FECH: variants seen among roughly 807,000 people sequenced by gnomAD.
FECH encodes ferrochelatase, mitochondrial.
FECH carries 40 observed loss-of-function variants against 56.9 expected under a neutral mutation model. That is an observed-to-expected ratio of 0.70 (90% CI 0.55 to 0.92). FECH has a LOEUF of 0.92. Among genes scored for constraint, FECH ranks in the 40% least tolerant of loss-of-function variants. The pLI is 0.00. For missense variants in FECH, 431 were observed against 529.1 expected (o/e 0.81, Z 1.82); for synonymous variants, 175 against 198.6 (o/e 0.88, Z 1.00).
chr18:57,556,902 C>A (rs1233211715), intron 7 of FECH, among the ~76,000 whole-genome samples: 1 of 110,458 alleles, frequency 9.1e-6, no homozygotes, highest in East Asian at 2.6e-4. Context: ...CAGAGTGAGA[C>A]CCTGTCTCAA....
At chr18:57,578,571 T>C (rs915447159) in intron 2 of FECH, among the ~76,000 whole-genome samples, 74 of 152,104 alleles carry the variant, frequency 4.9e-4, no homozygotes, top group African/African-American at 1.8e-3. Context: ...TCCTAGCTAC[T>C]TGGGAGGCTG....
intron 2 of FECH, among the ~76,000 whole-genome samples, chr18:57,579,478 C>T (rs2051242941): frequency 6.6e-6 from 1 of 152,028 alleles, no homozygotes; most frequent in Non-Finnish European, 1.5e-5. Flanking sequence ...TCTTCTGTTG[C>T]CTCTGTACAG....
intron 7 of FECH, among the ~76,000 whole-genome samples, chr18:57,558,920 CA>C (rs3216687): frequency 6.6e-6 from 1 of 151,276 alleles, no homozygotes; most frequent in South Asian, 2.1e-4. Flanking sequence ...GACTCTGTTT[CA>C]AAAAAAAGAA....
At chr18:57,559,382 T>C in intron 6 of FECH, 139 bp from the exon 7 acceptor site, 1 of 649,470 alleles carries the variant, frequency 1.5e-6, no homozygotes, top group Non-Finnish European at 2.8e-6. Context: ...TTTTAAAAAA[T>C]TGCAAACAGT....
intron 6 of FECH, among the ~76,000 whole-genome samples, chr18:57,559,590 C>T (rs1488684399): frequency 6.6e-6 from 1 of 152,162 alleles, no homozygotes; most frequent in Non-Finnish European, 1.5e-5. Flanking sequence ...TTTAAGACCT[C>T]TCATTTGCTC....
In FECH at chr18:57,546,817, G is replaced by T. The variant is rs897163643; in HGVS notation, c.*3895C>A. 2.0e-5 allele frequency among the ~76,000 whole-genome samples: 3 copies of T among 151,894 alleles called. No homozygotes were observed. Among genetic ancestry groups the T allele is most frequent in the Admixed American group, 2.0e-4 (3 of 15,248 alleles). ...CTACTAAAAATACAAAAATTAGCCG[G>T]GCATGGTGGCACACGCCTGAGTAGC... On this transcript the variant is annotated 3_prime_UTR_variant, in exon 11 of 11. Transcript: ENST00000262093.
rs1017152612 is a variant in FECH, at chr18:57,549,458, G to T, written c.*1254C>A. On this transcript the variant is annotated 3_prime_UTR_variant, in exon 11 of 11. Coordinates refer to ENST00000262093, the MANE Select transcript of FECH (RefSeq NM_000140.5). ...AAAAAAAAAGAAACGCTCTTTTGAA[G>T]AACAAAGTTTCAGGGCTTGGAGGAA... The T allele has an allele frequency of 1.4e-5, 2 of 142,214 alleles. No individual in the cohort carries two copies. Among genetic ancestry groups the T allele is most frequent in the Non-Finnish European group, 3.1e-5 (2 of 65,214 alleles). The allele number at this position is 142,214 out of a possible 1,614,324, so 8.8% of individuals were successfully genotyped here.
At chr18:57,551,750 G>A (rs2050800998) in intron 9 of FECH, among the ~76,000 whole-genome samples, 1 of 152,102 alleles carries the variant, frequency 6.6e-6, no homozygotes, top group Non-Finnish European at 1.5e-5. Flanking sequence ...TAAGTAGAAT[G>A]TTACTGTAAA....
chr18:57,545,514 T>C lies in FECH; in HGVS notation c.*5198A>G, dbSNP rs1289664526. Among the ~76,000 whole-genome samples the C allele has an allele frequency of 2.0e-5, 3 of 152,154 alleles. No homozygotes were observed. The highest frequency in any genetic ancestry group is 6.5e-5 in the Admixed American group (1 of 15,280). On this transcript the variant is annotated 3_prime_UTR_variant, in exon 11 of 11. Transcript: ENST00000262093. ...ACGGGACCCCAGAATAGGAGGAATG[T>C]GTTCTCTAGAGGCAACCACCTCCCA...
At chr18:57,569,080 C>T (rs1209466112) in intron 4 of FECH, among the ~76,000 whole-genome samples, 1 of 152,222 alleles carries the variant, frequency 6.6e-6, no homozygotes, top group African/African-American at 2.4e-5. Flanking sequence ...CACGCTGCAT[C>T]CGGGAAAGAA....
At chr18:57,584,748 T>C (rs1316908975) in intron 1 of FECH, among the ~76,000 whole-genome samples, 1 of 151,580 alleles carries the variant, frequency 6.6e-6, no homozygotes, top group Non-Finnish European at 1.5e-5. Context: ...GTTGCTGATA[T>C]GGAGCCAAAA....
intron 6 of FECH, among the ~76,000 whole-genome samples, chr18:57,562,173 T>C (rs1364275011): frequency 6.6e-6 from 1 of 152,142 alleles, no homozygotes; most frequent in African/African-American, 2.4e-5. Context: ...CTAAAATAAC[T>C]CAAAAGCAGA....
chr18:57,585,576 GGGTC>G (rs1297548766), intron 1 of FECH, among the ~76,000 whole-genome samples: 3 of 152,140 alleles, frequency 2.0e-5, no homozygotes, highest in African/African-American at 7.2e-5. Context: ...ATTGTACACT[GGGTC>G]CTTAGTATTT....
chr18:57,557,092 T>C (rs1283236553), intron 7 of FECH, among the ~76,000 whole-genome samples: 1 of 152,028 alleles, frequency 6.6e-6, no homozygotes, highest in African/African-American at 2.4e-5. Context: ...ACATGAAGCC[T>C]GGAGTGCAGT....
chr18:57,572,513 T>TA lies in FECH; in HGVS notation c.314+732dup, dbSNP rs57279341. ...CCAACATGGCACATGTATACGTATG[T>TA]AAAAAAAAAAAAAAAAAAAAAAAAG... On this transcript the variant is annotated intron_variant, in intron 3 of 10. Coordinates refer to ENST00000262093, the MANE Select transcript of FECH (RefSeq NM_000140.5). 3.2e-3 allele frequency among the ~76,000 whole-genome samples: 180 copies of TA among 55,930 alleles called. 1 individual carries two copies. The highest frequency in any genetic ancestry group is 0.036 in the Middle Eastern group (2 of 56). 36.7% of individuals were successfully genotyped at this position (55,930 alleles called of 152,430 possible).
intron 4 of FECH, 23 bp downstream of exon 4, chr18:57,571,369 A>AT (rs774744973): frequency 8.7e-6 from 14 of 1,611,844 alleles, no homozygotes; most frequent in African/African-American, 2.7e-5. Context: ...ATCTAGTTAC[A>AT]TGTTAATGAA....
chr18:57,571,316 A>G, intron 4 of FECH, 76 bp downstream of exon 4: 1 of 1,478,096 alleles, frequency 6.8e-7, no homozygotes, highest in South Asian at 1.2e-5. Context: ...AGCATTTAGC[A>G]TCTACTACTC....
chr18:57,554,415 T>C lies in FECH; in HGVS notation c.922A>G (p.Met308Val). 4 of 1,614,176 alleles carry C rather than the reference T, an allele frequency of 2.5e-6. No individual in the cohort carries two copies. Among genetic ancestry groups the C allele is most frequent in the South Asian group, 1.1e-5 (1 of 91,086 alleles). The change falls in exon 9 of 11, where the codon ATG (methionine) becomes GTG (valine). Residue 308 changes from methionine to valine, a missense_variant. Coordinates refer to ENST00000262093, the MANE Select transcript of FECH (RefSeq NM_000140.5). Reference sequence around the variant, plus strand: ...TCTGTTTGAGGACCCAACCAGGGCATTGGACCAACCTATGCGAAAGATAGA... The same window carrying C: ...TCTGTTTGAGGACCCAACCAGGGCACTGGACCAACCTATGCGAAAGATAGA... ...RLVWQSKVGP[M>V]PWLGPQTDES...
chr18:57,572,623 G>A (rs1156851274), intron 3 of FECH, among the ~76,000 whole-genome samples: 1 of 130,130 alleles, frequency 7.7e-6, no homozygotes, highest in Non-Finnish European at 1.6e-5. Flanking sequence ...ATGTATGTAT[G>A]TGCGCGTGTG....
Sources: allele counts gnomAD v4.1 joint callset (sites outside exome capture counted in the v4.1 genomes callset), GRCh38; gene constraint gnomAD v4.1.1; transcripts MANE v1.5; gene names NCBI Gene and HGNC (gene_info 2026-07-23, HGNC 2026-07-21).